The following RANBP17 variants were observed in gnomAD, a reference collection of about 807,000 sequenced individuals.
RANBP17 encodes the protein RAN binding protein 17.
RANBP17 carries 158 observed loss-of-function variants against 141.2 expected under a neutral mutation model. The observed-to-expected ratio is 1.12, with a 90% CI of 0.98 to 1.28. The LOEUF (loss-of-function observed/expected upper bound fraction) is 1.28, where lower values mean the gene tolerates loss of function less well. RANBP17 is among the 50% of genes most tolerant of loss of function. The pLI is 0.00. For missense variants in RANBP17, 1,438 were observed against 1,290.7 expected (o/e 1.11, Z -1.75); for synonymous variants, 430 against 450.0 (o/e 0.96, Z 0.56).
chr5:171,049,146 T>G (rs2127648907), intron 14 of RANBP17, among the ~76,000 whole-genome samples: 1 of 152,342 alleles, frequency 6.6e-6, no homozygotes, highest in South Asian at 2.1e-4. Flanking sequence ...GCATGTATTA[T>G]TTTTTGACTT....
At chr5:170,941,706 A>G (rs890514397) in intron 12 of RANBP17, among the ~76,000 whole-genome samples, 1 of 152,246 alleles carries the variant, frequency 6.6e-6, no homozygotes, top group African/African-American at 2.4e-5. Flanking sequence ...CAATAAAAGA[A>G]GTAGACCACA....
At chr5:171,166,173 A>G (rs1358739785) in intron 14 of RANBP17, among the ~76,000 whole-genome samples, 1 of 152,164 alleles carries the variant, frequency 6.6e-6, no homozygotes, top group Non-Finnish European at 1.5e-5. Context: ...AATGCAGAAG[A>G]AGGAAAGAAG....
At chr5:170,877,192 C>A (rs1164516973) in intron 1 of RANBP17, among the ~76,000 whole-genome samples, 2 of 152,062 alleles carry the variant, frequency 1.3e-5, no homozygotes, top group African/African-American at 4.8e-5. Context: ...ACCATGGGAT[C>A]AAGTCAAAGT....
At chr5:171,136,086 A>C (rs1455890422) in intron 14 of RANBP17, among the ~76,000 whole-genome samples, 1 of 152,188 alleles carries the variant, frequency 6.6e-6, no homozygotes, top group Non-Finnish European at 1.5e-5. Flanking sequence ...TGTTCATCTT[A>C]ATTACTATTT....
chr5:171,185,045 C>A (rs1044085344), intron 18 of RANBP17, among the ~76,000 whole-genome samples: 2 of 152,094 alleles, frequency 1.3e-5, no homozygotes, highest in African/African-American at 4.8e-5. Flanking sequence ...ACCTTGTAAT[C>A]CCAGCTACTT....
chr5:171,188,753 G>A (rs1359623254), intron 18 of RANBP17, among the ~76,000 whole-genome samples: 2 of 152,144 alleles, frequency 1.3e-5, no homozygotes, highest in Non-Finnish European at 2.9e-5. Flanking sequence ...TGTATCTGTG[G>A]TAGGTTAAAC....
At chr5:170,924,630 A>G in intron 12 of RANBP17, 80 bp downstream of exon 12, 1 of 944,054 alleles carries the variant, frequency 1.1e-6, no homozygotes, top group Non-Finnish European at 1.5e-6. Context: ...GTTTTACTGC[A>G]AGTTATTTTT....
chr5:171,058,192 G>A (rs1167387347), intron 14 of RANBP17, among the ~76,000 whole-genome samples: 1 of 151,026 alleles, frequency 6.6e-6, no homozygotes, highest in Non-Finnish European at 1.5e-5. Flanking sequence ...TTAAGTTTTA[G>A]GGTACATGTG....
At chr5:171,083,376 A>G (rs1157371405) in intron 14 of RANBP17, among the ~76,000 whole-genome samples, 1 of 152,148 alleles carries the variant, frequency 6.6e-6, no homozygotes, top group Admixed American at 6.5e-5. Context: ...TCTGCAACCC[A>G]GAAGAGGGCC....
At chr5:171,078,121 T>C (rs555665080) in intron 14 of RANBP17, among the ~76,000 whole-genome samples, 1 of 144,626 alleles carries the variant, frequency 6.9e-6, no homozygotes, top group East Asian at 2.1e-4. Flanking sequence ...ACAGATTTTC[T>C]TTTCTTTTCT....
intron 14 of RANBP17, among the ~76,000 whole-genome samples, chr5:171,087,238 G>C (rs993015947): frequency 6.4e-4 from 97 of 152,134 alleles, no homozygotes; most frequent in African/African-American, 2.0e-3. Flanking sequence ...AGTCATTCAG[G>C]AGCAGGTTGT....
chr5:171,053,343 A>G (rs1338412917), intron 14 of RANBP17, among the ~76,000 whole-genome samples: 4 of 151,526 alleles, frequency 2.6e-5, no homozygotes, highest in African/African-American at 9.7e-5. Flanking sequence ...TAGCTTTTCA[A>G]CTCTTGCTCC....
intron 14 of RANBP17, among the ~76,000 whole-genome samples, chr5:170,984,626 A>AAAAAAC (rs1452471370): frequency 5.5e-4 from 83 of 152,166 alleles, no homozygotes; most frequent in Non-Finnish European, 9.7e-4. Flanking sequence ...ACCCTGTCTC[A>AAAAAAC]AAAAACAAAA....
intron 11 of RANBP17, among the ~76,000 whole-genome samples, chr5:170,923,566 A>G (rs534884169): frequency 1.3e-5 from 2 of 152,310 alleles, no homozygotes; most frequent in Non-Finnish European, 2.9e-5. Context: ...CATTGAAACT[A>G]TAGATTAACT....
At chr5:171,105,006 C>T (rs959917424) in intron 14 of RANBP17, among the ~76,000 whole-genome samples, 6 of 151,988 alleles carry the variant, frequency 3.9e-5, no homozygotes, top group Non-Finnish European at 7.4e-5. Context: ...ACATATTGTA[C>T]GTTGATAAAA....
intron 27 of RANBP17, 45 bp downstream of exon 27, chr5:171,296,059 C>T (rs781368168): frequency 6.3e-7 from 1 of 1,589,632 alleles, no homozygotes; most frequent in South Asian, 1.1e-5. Context: ...GTAGACATTC[C>T]AGGTTTGTTG....
chr5:171,238,066 T>A (rs1281416786), intron 22 of RANBP17, among the ~76,000 whole-genome samples: 6 of 152,222 alleles, frequency 3.9e-5, no homozygotes, highest in Non-Finnish European at 5.9e-5. Flanking sequence ...ATTATCGCCA[T>A]GGAATGCTGA....
intron 13 of RANBP17, among the ~76,000 whole-genome samples, chr5:170,966,650 C>T (rs1427864706): frequency 3.3e-5 from 5 of 152,054 alleles, no homozygotes; most frequent in Non-Finnish European, 5.9e-5. Flanking sequence ...GGGATGCCCT[C>T]TCTCACCACT....
At chr5:171,141,432 T>TAA (rs760388998) in intron 14 of RANBP17, among the ~76,000 whole-genome samples, 4 of 130,250 alleles carry the variant, frequency 3.1e-5, no homozygotes, top group Admixed American at 7.7e-5. Flanking sequence ...CCATCTCTAC[T>TAA]AAAAAAAAAA....
Sources: allele counts gnomAD v4.1 joint callset (sites outside exome capture counted in the v4.1 genomes callset), GRCh38; gene constraint gnomAD v4.1.1; transcripts MANE v1.5; gene names NCBI Gene and HGNC (gene_info 2026-07-23, HGNC 2026-07-21).